Variants in AASS observed in about 807,000 individuals in gnomAD.
AASS encodes the protein alpha-aminoadipic semialdehyde synthase, mitochondrial.
A neutral mutation model predicts 105.4 loss-of-function variants in AASS; 86 were observed. The ratio of observed to expected loss-of-function variants is 0.82; its 90% CI spans 0.69 to 0.98. The LOEUF (loss-of-function observed/expected upper bound fraction) is 0.98, where lower values mean the gene tolerates loss of function less well. Among genes scored for constraint, AASS ranks in the 50% least tolerant of loss-of-function variants. The pLI is 0.00. For missense variants in AASS, 1,048 were observed against 1,143.2 expected (o/e 0.92, Z 1.20); for synonymous variants, 381 against 394.8 (o/e 0.96, Z 0.41).
At chr7:122,134,127 G>A (rs73426046) in intron 1 of AASS, among the ~76,000 whole-genome samples, 4 of 152,136 alleles carry the variant, frequency 2.6e-5, no homozygotes, top group African/African-American at 7.2e-5. Context: ...TTTTGATGGC[G>A]TAAAGTTTGA....
At chr7:122,102,133 C>T (rs1241966896) in intron 11 of AASS, among the ~76,000 whole-genome samples, 1 of 151,808 alleles carries the variant, frequency 6.6e-6, no homozygotes, top group Non-Finnish European at 1.5e-5. Context: ...AAGGGGTCTC[C>T]CTCAGATCAG....
intron 4 of AASS, among the ~76,000 whole-genome samples, chr7:122,125,135 G>T (rs913737713): frequency 6.6e-6 from 1 of 151,964 alleles, no homozygotes; most frequent in African/African-American, 2.4e-5. Flanking sequence ...GGTCAGGCTG[G>T]TCTCAAACTC....
chr7:122,118,269 T>G, intron 6 of AASS, 38 bp downstream of exon 6: 1 of 1,611,590 alleles, frequency 6.2e-7, no homozygotes, highest in Non-Finnish European at 8.5e-7. Context: ...TTTCAAAGTT[T>G]TGGATTGTTT....
chr7:122,104,026 A>C (rs938245615), intron 11 of AASS, among the ~76,000 whole-genome samples: 2 of 152,130 alleles, frequency 1.3e-5, no homozygotes, highest in Non-Finnish European at 2.9e-5. Context: ...CACAAAGATA[A>C]ACAGGAGAGG....
chr7:122,130,365 T>C (rs1795854537), intron 2 of AASS, among the ~76,000 whole-genome samples: 3 of 152,002 alleles, frequency 2.0e-5, no homozygotes, highest in Admixed American at 2.0e-4. Flanking sequence ...ATTTACAACA[T>C]ACGAGTAAAC....
At chr7:122,081,794 CA>C in intron 19 of AASS, 199 bp from the exon 20 acceptor site, 1 of 574,696 alleles carries the variant, frequency 1.7e-6, no homozygotes, top group Non-Finnish European at 3.1e-6. Flanking sequence ...CACAACCCAC[CA>C]AAAAAGTATT....
At position 122,133,456 on chromosome 7, in the gene AASS, C is replaced by T. The variant is rs1381434921; in HGVS notation, c.210+61G>A. ...CAAACATTTTATTTTCACTCAGATG[C>T]TCCTTAATTTTCATATGCAGGTTCA... On this transcript the variant is annotated intron_variant, in intron 2 of 23. Coordinates refer to ENST00000417368, the MANE Select transcript of AASS (RefSeq NM_005763.4). 10 of 1,545,480 alleles carry T rather than the reference C, an allele frequency of 6.5e-6. No homozygotes were observed. In the African/African-American group the frequency reaches 8.2e-5, roughly 13 times the overall value.
At position 122,078,353 on chromosome 7, in the gene AASS, C is replaced by T. The variant is rs138636796; in HGVS notation, c.2486-339G>A. On this transcript the variant is annotated intron_variant, in intron 22 of 23. Coordinates refer to ENST00000417368, the MANE Select transcript of AASS (RefSeq NM_005763.4). ...GTAATGTCGGGCGCGGTGGCTCATG[C>T]CTGTAATCCCAGCACTTTGGGAGGC... Among the ~76,000 whole-genome samples the T allele has an allele frequency of 5.2e-4, 78 of 151,232 alleles. No individual in the cohort carries two copies. The East Asian group carries it at 0.014, about 27-fold the overall frequency.
At chr7:122,081,736 C>T (rs2150508797) in intron 19 of AASS, 141 bp from the exon 20 acceptor site, 1 of 647,200 alleles carries the variant, frequency 1.5e-6, no homozygotes, top group Non-Finnish European at 2.7e-6. Flanking sequence ...TACAGCTCTT[C>T]TAGAATTTGC....
chr7:122,074,408 A>C lies in AASS; in HGVS notation c.*2081T>G, dbSNP rs1792907017. Among the ~76,000 whole-genome samples, 1 of 152,206 alleles carries C rather than the reference A, an allele frequency of 6.6e-6. No individual in the cohort carries two copies. The highest frequency in any genetic ancestry group is 1.5e-5 in the Non-Finnish European group (1 of 68,030). ...TCCCTTAACTAATACATGATTTTAA[A>C]AAAAATTATCTCATTCTGTGGGTTG... On this transcript the variant is annotated 3_prime_UTR_variant, in exon 24 of 24. Coordinates refer to ENST00000417368, the MANE Select transcript of AASS (RefSeq NM_005763.4).
intron 11 of AASS, among the ~76,000 whole-genome samples, chr7:122,109,876 C>A (rs560384474): frequency 3.9e-5 from 6 of 151,944 alleles, no homozygotes; most frequent in African/African-American, 1.4e-4. Context: ...AGTGAAGAAA[C>A]AACAGAATGG....
chr7:122,116,527 C>T (rs1795183731), intron 8 of AASS, 106 bp downstream of exon 8: 1 of 1,446,928 alleles, frequency 6.9e-7, no homozygotes, highest in South Asian at 1.2e-5. Context: ...GGACTCACAA[C>T]AGGAAAACTG....
intron 11 of AASS, 40 bp from the exon 12 acceptor site, chr7:122,101,720 GC>G (rs1418605923): frequency 7.1e-7 from 1 of 1,410,086 alleles, no homozygotes; most frequent in Non-Finnish European, 1.0e-6. Flanking sequence ...AAATGACACT[GC>G]AAAGAAGGCC....
intron 11 of AASS, among the ~76,000 whole-genome samples, chr7:122,103,383 A>G (rs1794522064): frequency 6.6e-6 from 1 of 152,076 alleles, no homozygotes; most frequent in African/African-American, 2.4e-5. Flanking sequence ...AGAAAAAAAG[A>G]AGAAATAAAC....
intron 11 of AASS, among the ~76,000 whole-genome samples, chr7:122,105,803 G>A (rs1380302415): frequency 6.6e-6 from 1 of 151,912 alleles, no homozygotes; most frequent in Non-Finnish European, 1.5e-5. Context: ...ATAACCCAAT[G>A]TTGCACCTCA....
intron 15 of AASS, among the ~76,000 whole-genome samples, chr7:122,096,516 T>C (rs1584835328): frequency 6.6e-6 from 1 of 152,074 alleles, no homozygotes; most frequent in South Asian, 2.1e-4. Flanking sequence ...TAGTCCCAGC[T>C]ACTTGGGTGG....
intron 23 of AASS, 48 bp from the exon 24 acceptor site, chr7:122,076,655 G>A: frequency 2.2e-6 from 3 of 1,380,062 alleles, no homozygotes; most frequent in Non-Finnish European, 3.1e-6. Flanking sequence ...TTGTGTCAGA[G>A]GTTAATTTCC....
intron 11 of AASS, among the ~76,000 whole-genome samples, chr7:122,107,190 C>G (rs959417191): frequency 6.6e-6 from 1 of 152,026 alleles, no homozygotes; most frequent in Non-Finnish European, 1.5e-5. Context: ...CAATGAGATA[C>G]CGTCTCACAC....
intron 1 of AASS, among the ~76,000 whole-genome samples, chr7:122,140,498 A>AAAAAAAAAAAAAAAAAAAAAAAAAAAAT (rs1796342214): frequency 6.7e-6 from 1 of 149,130 alleles, no homozygotes; most frequent in African/African-American, 2.5e-5. Flanking sequence ...AAAAAAAAAA[A>AAAAAAAAAAAAAAAAAAAAAAAAAAAAT]AAAAAAAAAA....
Sources: gnomAD v4.1 joint callset for allele counts (sites outside exome capture counted in the v4.1 genomes callset) on GRCh38, gnomAD v4.1.1 for gene constraint, MANE v1.5 for transcripts, NCBI Gene and HGNC (gene_info 2026-07-23, HGNC 2026-07-21) for gene names.